Variants in SLC22A15 observed in about 807,000 individuals in gnomAD.
The protein encoded by SLC22A15 is flipt 1.
SLC22A15 carries 45 observed loss-of-function variants against 62.7 expected under a neutral mutation model. The ratio of observed to expected loss-of-function variants is 0.72; its 90% CI spans 0.56 to 0.92. The LOEUF (loss-of-function observed/expected upper bound fraction) is 0.92. SLC22A15 is among the 40% of genes least tolerant of loss of function. The pLI is 0.00. For missense variants in SLC22A15, 622 were observed against 665.6 expected, an observed-to-expected ratio of 0.93 and a Z score of 0.72; for synonymous variants, 264 against 267.0, an observed-to-expected ratio of 0.99 and a Z score of 0.11.
chr1:116,032,653 C>G lies in SLC22A15; in HGVS notation c.944+1072C>G, dbSNP rs533186348. The G allele has an allele frequency of 1.1e-5, 11 of 984,146 alleles. No individual in the cohort carries two copies. In the African/African-American group the frequency reaches 1.4e-4, roughly 12 times the overall value. 61.0% of individuals were successfully genotyped at this position (984,146 alleles called of 1,614,324 possible). ...CTGCTGCTTTCCCCCACAGAACCATCACAGCACTAGGAATATCACAGATGC... is the reference window on the plus strand; with the variant it reads ...CTGCTGCTTTCCCCCACAGAACCATGACAGCACTAGGAATATCACAGATGC... On this transcript the variant is annotated intron_variant, in intron 6 of 11. Transcript: ENST00000369503.
intron 8 of SLC22A15, among the ~76,000 whole-genome samples, chr1:116,046,027 TGAAA>T (rs1557903968): frequency 6.6e-6 from 1 of 152,172 alleles, no homozygotes; most frequent in Non-Finnish European, 1.5e-5. Context: ...AAAACGGTGC[TGAAA>T]TAACTGGATC....
At chr1:115,984,576 C>T (rs928012497) in intron 1 of SLC22A15, among the ~76,000 whole-genome samples, 2 of 152,082 alleles carry the variant, frequency 1.3e-5, no homozygotes, top group African/African-American at 4.8e-5. Flanking sequence ...ATTTCCTGTG[C>T]TATATTTTTA....
At chr1:116,033,098 C>A (rs1435936230) in intron 6 of SLC22A15, among the ~76,000 whole-genome samples, 1 of 152,156 alleles carries the variant, frequency 6.6e-6, no homozygotes, top group Admixed American at 6.5e-5. Flanking sequence ...AGTCACTCCA[C>A]ATATTGCCGT....
At position 116,031,505 on chromosome 1, in the gene SLC22A15, A is replaced by T; in HGVS notation, c.868A>T (p.Arg290Trp). The change falls in exon 6 of 12, where the codon AGG becomes TGG. Residue 290 changes from arginine (R) to tryptophan (W), a missense_variant. Transcript: ENST00000369503. ...SLTHPANRSC[R>W]ETGSFLDLFR... ...AACACACCCAGCCAACAGGAGCTGC[A>T]GGGAGACTGGAAGTTTCCTGGATCT... The T allele has an allele frequency of 6.2e-7, 1 of 1,614,038 alleles. No individual in the cohort carries two copies.
intron 8 of SLC22A15, among the ~76,000 whole-genome samples, chr1:116,054,452 A>G (rs1658146286): frequency 6.6e-6 from 1 of 152,002 alleles, no homozygotes; most frequent in South Asian, 2.1e-4. Context: ...ACACAATAAT[A>G]ATGGGAGACT....
chr1:116,064,452 A>G lies in SLC22A15; in HGVS notation c.1309A>G (p.Thr437Ala), dbSNP rs1378035198. The change falls in exon 10 of 12, where the codon ACT becomes GCT. Residue 437 changes from threonine (T) to alanine (A), a missense_variant. Thr to Ala is a moderately conservative substitution (Grantham distance 58, BLOSUM62 0). Transcript: ENST00000369503. ...GCTTTTCAGGAATGTTGGGCTTGGAACTTGTTCCATGTTCTCCCGAGTTGG... is the reference window on the plus strand; with the variant it reads ...GCTTTTCAGGAATGTTGGGCTTGGAGCTTGTTCCATGTTCTCCCGAGTTGG... The part of the protein sequence containing the change: ...PTVIRNVGLG[T>A]CSMFSRVGGI... The G allele has an allele frequency of 1.2e-6, 2 of 1,612,928 alleles. No homozygotes were observed. The highest frequency in any genetic ancestry group is 1.7e-6 in the Non-Finnish European group (2 of 1,179,342).
rs1412361077 is a variant in SLC22A15, at chr1:116,031,456, C to G, written c.819C>G (p.Arg273=). 6.2e-7 allele frequency: 1 copy of G among 1,614,004 alleles called. No individual in the cohort carries two copies. The highest frequency in any genetic ancestry group is 8.5e-7 in the Non-Finnish European group (1 of 1,179,874). The change falls in exon 6 of 12, where the codon CGC becomes CGG. Residue 273 remains arginine (R), a synonymous_variant. Coordinates refer to ENST00000369503, the MANE Select transcript of SLC22A15 (RefSeq NM_018420.3). ...EALYLIAKRN[R]KLKCTFSLTH... ...TGTACCTCATTGCCAAGAGGAACCGCAAACTCAAGTGCACGTTCTCACTAA... is the reference window on the plus strand; with the variant it reads ...TGTACCTCATTGCCAAGAGGAACCGGAAACTCAAGTGCACGTTCTCACTAA...
chr1:116,000,941 G>A (rs540610917), intron 2 of SLC22A15, among the ~76,000 whole-genome samples: 1 of 152,184 alleles, frequency 6.6e-6, no homozygotes, highest in East Asian at 1.9e-4. Context: ...CGACCTTCCT[G>A]TAATTTCTTA....
chr1:116,034,837 A>G (rs1657573424), intron 6 of SLC22A15, among the ~76,000 whole-genome samples: 1 of 152,212 alleles, frequency 6.6e-6, no homozygotes, highest in Non-Finnish European at 1.5e-5. Flanking sequence ...TGTTCCATAA[A>G]TTGTTGCCTT....
chr1:116,066,805 C>A, intron 11 of SLC22A15, 97 bp downstream of exon 11: 1 of 1,242,550 alleles, frequency 8.0e-7, no homozygotes, highest in Admixed American at 2.6e-5. Flanking sequence ...AGTAAAACTG[C>A]TGGAAAACAA....
chr1:116,001,081 G>A (rs1024446563), intron 2 of SLC22A15, among the ~76,000 whole-genome samples: 1 of 152,026 alleles, frequency 6.6e-6, no homozygotes, highest in African/African-American at 2.4e-5. Flanking sequence ...TATGTTTCAA[G>A]GATACTTTTA....
At chr1:116,001,354 A>G (rs1049127087) in intron 2 of SLC22A15, among the ~76,000 whole-genome samples, 6 of 151,788 alleles carry the variant, frequency 4.0e-5, no homozygotes, top group Non-Finnish European at 7.4e-5. Flanking sequence ...ACCTTCTTGT[A>G]CTTTACTATT....
intron 2 of SLC22A15, among the ~76,000 whole-genome samples, chr1:116,005,322 C>T (rs746900497): frequency 6.6e-6 from 1 of 151,996 alleles, no homozygotes; most frequent in Non-Finnish European, 1.5e-5. Flanking sequence ...ATTCCAAGTT[C>T]ATCTTGTACC....
chr1:115,984,447 G>A (rs2488432), intron 1 of SLC22A15, among the ~76,000 whole-genome samples: 57,279 of 151,964 alleles, frequency 0.38, 11,423 homozygotes, highest in East Asian at 0.58. Flanking sequence ...AATCCACCTT[G>A]TATTTACAGC....
intron 8 of SLC22A15, among the ~76,000 whole-genome samples, chr1:116,042,552 A>G (rs985513013): frequency 6.6e-6 from 1 of 152,166 alleles, no homozygotes; most frequent in Non-Finnish European, 1.5e-5. Context: ...AGGAGGGGAT[A>G]AAGAAAAAGT....
intron 1 of SLC22A15, among the ~76,000 whole-genome samples, chr1:115,985,223 G>A (rs1003203449): frequency 2.0e-5 from 3 of 152,092 alleles, no homozygotes; most frequent in Non-Finnish European, 4.4e-5. Flanking sequence ...TCTATGTTAG[G>A]TATGTTTAGA....
chr1:116,002,138 T>G (rs1190301926), intron 2 of SLC22A15, among the ~76,000 whole-genome samples: 1 of 152,204 alleles, frequency 6.6e-6, no homozygotes, highest in Non-Finnish European at 1.5e-5. Context: ...TCTGGGAGAA[T>G]TTCCTGGATT....
Position 116,037,394 on chromosome 1 carries a change from C to G in SLC22A15, c.1171+6C>G. 1 of 1,605,210 alleles carries G rather than the reference C, an allele frequency of 6.2e-7. No individual in the cohort carries two copies. The highest frequency in any genetic ancestry group is 8.5e-7 in the Non-Finnish European group (1 of 1,172,194). On this transcript the variant is annotated splice_donor_region_variant and intron_variant, in intron 8 of 11. Transcript: ENST00000369503. ...GTTTCTTCCAGAAAAGAAAGGTATG[C>G]CTTTCAAATTTCTACAAGGGTTTTG...
intron 2 of SLC22A15, chr1:116,015,032 T>A (rs1333424779): frequency 6.6e-6 from 1 of 152,152 alleles, no homozygotes; most frequent in Non-Finnish European, 1.5e-5. Context: ...ACTCCTTAGA[T>A]CACATAGTAG....
Sources: gnomAD v4.1 joint callset for allele counts (sites outside exome capture counted in the v4.1 genomes callset) on GRCh38, gnomAD v4.1.1 for gene constraint, MANE v1.5 for transcripts, NCBI Gene and HGNC (gene_info 2026-07-23, HGNC 2026-07-21) for gene names.